GLI3: variants seen among roughly 807,000 people sequenced by gnomAD.
GLI3 encodes the protein GLI family zinc finger 3, also known as transcription activator GLI3.
In GLI3, 20 loss-of-function variants were observed where a neutral mutation model predicts 100.8. The observed-to-expected ratio is 0.20, with a 90% CI of 0.14 to 0.29. GLI3 has a LOEUF of 0.29. Among genes scored for constraint, GLI3 ranks in the 10% least tolerant of loss-of-function variants. The pLI is 1.00. For missense variants in GLI3, 2,040 were observed against 2,128.5 expected, an observed-to-expected ratio of 0.96 and a Z score of 0.82; for synonymous variants, 938 against 860.5, an observed-to-expected ratio of 1.09 and a Z score of -1.58.
intron 4 of GLI3, among the ~76,000 whole-genome samples, chr7:42,070,104 G>A (rs1383752900): frequency 6.6e-6 from 1 of 152,192 alleles, no homozygotes; most frequent in Non-Finnish European, 1.5e-5. Context: ...CTTCTCAAAT[G>A]TGATTAAGTA....
chr7:42,189,695 G>A (rs947655202), intron 2 of GLI3, among the ~76,000 whole-genome samples: 1 of 152,174 alleles, frequency 6.6e-6, no homozygotes, highest in Non-Finnish European at 1.5e-5. Flanking sequence ...CAGCAAGTAA[G>A]ACCTGATGAC....
At chr7:42,021,777 C>T (rs188676207) in intron 10 of GLI3, among the ~76,000 whole-genome samples, 1 of 152,346 alleles carries the variant, frequency 6.6e-6, no homozygotes, top group Non-Finnish European at 1.5e-5. Flanking sequence ...AAAACCAAGA[C>T]ACCCTGCCAA....
At chr7:42,104,841 G>A (rs1785540969) in intron 3 of GLI3, among the ~76,000 whole-genome samples, 1 of 152,172 alleles carries the variant, frequency 6.6e-6, no homozygotes, top group South Asian at 2.1e-4. Context: ...ACAGTGAGAA[G>A]AAGGCCATCT....
chr7:42,177,520 T>C (rs1787504652), intron 2 of GLI3, among the ~76,000 whole-genome samples: 1 of 152,184 alleles, frequency 6.6e-6, no homozygotes, highest in South Asian at 2.1e-4. Flanking sequence ...CGTTGGTTTG[T>C]GAGCCCCATC....
At chr7:42,041,253 C>G (rs1784130139) in intron 6 of GLI3, among the ~76,000 whole-genome samples, 1 of 152,158 alleles carries the variant, frequency 6.6e-6, no homozygotes, top group Admixed American at 6.5e-5. Context: ...GAGTCTTAAC[C>G]TGGAGTCCAA....
intron 1 of GLI3, among the ~76,000 whole-genome samples, chr7:42,246,280 G>T (rs985056525): frequency 2.0e-5 from 3 of 152,124 alleles, no homozygotes; most frequent in Non-Finnish European, 4.4e-5. Context: ...CAGGGGAATG[G>T]ACAGTCATGC....
chr7:42,003,288 T>G (rs1562679927), intron 10 of GLI3, among the ~76,000 whole-genome samples: 1 of 151,784 alleles, frequency 6.6e-6, no homozygotes, highest in Non-Finnish European at 1.5e-5. Context: ...AAGAAAGAAA[T>G]GAAAGCAGCA....
At chr7:42,109,056 C>G (rs1785642266) in intron 3 of GLI3, among the ~76,000 whole-genome samples, 2 of 152,200 alleles carry the variant, frequency 1.3e-5, no homozygotes, top group African/African-American at 4.8e-5. Flanking sequence ...TTTTGCCCAG[C>G]CCATCAATGC....
At chr7:42,045,266 C>T in intron 6 of GLI3, 118 bp downstream of exon 6, 1 of 1,003,752 alleles carries the variant, frequency 1.0e-6, no homozygotes, top group Admixed American at 1.7e-5. Flanking sequence ...GTGGTGGTTC[C>T]ACTTTCTCCT....
chr7:42,151,929 C>A (rs1403727012), intron 2 of GLI3: 2 of 151,942 alleles, frequency 1.3e-5, no homozygotes, highest in African/African-American at 4.8e-5. Flanking sequence ...TCCTTGCAAG[C>A]AGTGCTTAGG....
intron 3 of GLI3, among the ~76,000 whole-genome samples, chr7:42,080,982 C>T (rs1033086417): frequency 1.4e-4 from 22 of 152,150 alleles, no homozygotes; most frequent in African/African-American, 4.3e-4. Flanking sequence ...GTTACTGCAC[C>T]GCAGCCATCT....
intron 3 of GLI3, among the ~76,000 whole-genome samples, chr7:42,096,400 T>C (rs1341414610): frequency 2.6e-5 from 4 of 152,020 alleles, no homozygotes; most frequent in African/African-American, 9.7e-5. Flanking sequence ...GAGTGTCCAG[T>C]GTCAAGTAAA....
chr7:42,113,554 C>T, intron 3 of GLI3: 1 of 1,181,408 alleles, frequency 8.5e-7, no homozygotes, highest in African/African-American at 1.5e-5. Flanking sequence ...AGGGGAATAA[C>T]CCTACAGAAA....
intron 2 of GLI3, among the ~76,000 whole-genome samples, chr7:42,187,483 A>C (rs1787740105): frequency 6.6e-6 from 1 of 152,126 alleles, no homozygotes; most frequent in Non-Finnish European, 1.5e-5. Flanking sequence ...GCTTGGTATT[A>C]TTAATTTTCT....
chr7:42,073,033 A>G (rs894569636), intron 4 of GLI3, among the ~76,000 whole-genome samples: 2 of 152,226 alleles, frequency 1.3e-5, no homozygotes, highest in Non-Finnish European at 2.9e-5. Flanking sequence ...TTTTCAAATT[A>G]CTTGAATTAA....
At chr7:42,189,506 CTAAT>C (rs1787784213) in intron 2 of GLI3, among the ~76,000 whole-genome samples, 1 of 152,104 alleles carries the variant, frequency 6.6e-6, no homozygotes, top group Non-Finnish European at 1.5e-5. Context: ...TTTTTAAAAG[CTAAT>C]CAGGAAAAGC....
At chr7:42,144,302 T>G (rs1299956736) in intron 3 of GLI3, among the ~76,000 whole-genome samples, 2 of 152,146 alleles carry the variant, frequency 1.3e-5, no homozygotes, top group Non-Finnish European at 2.9e-5. Flanking sequence ...GGTCCTCCAA[T>G]CTAACCCCTA....
chr7:42,118,186 C>T (rs1056538340), intron 3 of GLI3: 4 of 395,660 alleles, frequency 1.0e-5, no homozygotes, highest in African/African-American at 2.1e-5. Flanking sequence ...CACTCAAGGG[C>T]TTTTTCACCT....
At chr7:42,183,724 G>A (rs576672075) in intron 2 of GLI3, among the ~76,000 whole-genome samples, 2 of 152,244 alleles carry the variant, frequency 1.3e-5, no homozygotes, top group South Asian at 2.1e-4. Context: ...AAAAAACGAT[G>A]AGTCATCTTG....
Sources: allele counts gnomAD v4.1 joint callset (sites outside exome capture counted in the v4.1 genomes callset), GRCh38; gene constraint gnomAD v4.1.1; transcripts MANE v1.5; gene names NCBI Gene and HGNC (gene_info 2026-07-23, HGNC 2026-07-21).